PSIP1: variants seen among roughly 807,000 people sequenced by gnomAD.
PSIP1 encodes PC4 and SRSF1 interacting protein 1.
Under a neutral mutation model 74.7 loss-of-function variants are expected in PSIP1, and 19 were observed. The ratio of observed to expected loss-of-function variants is 0.25; its 90% CI spans 0.18 to 0.37. The LOEUF is 0.37. PSIP1 is among the 10% of genes least tolerant of loss of function. The pLI, the probability that PSIP1 is intolerant of heterozygous loss-of-function variation, is 1.00. For synonymous variants in PSIP1, 222 were observed against 195.3 expected, an observed-to-expected ratio of 1.14 and a Z score of -1.14; for missense variants, 601 against 614.3, an observed-to-expected ratio of 0.98 and a Z score of 0.23.
intron 9 of PSIP1, among the ~76,000 whole-genome samples, chr9:15,473,769 C>T (rs2035943467): frequency 6.6e-6 from 1 of 151,896 alleles, no homozygotes; most frequent in African/African-American, 2.4e-5. Flanking sequence ...GTAGTGGTGG[C>T]ACATGCCTGT....
At chr9:15,494,105 C>G (rs1307002973) in intron 3 of PSIP1, among the ~76,000 whole-genome samples, 1 of 152,114 alleles carries the variant, frequency 6.6e-6, no homozygotes, top group African/African-American at 2.4e-5. Flanking sequence ...CTTATTTCCT[C>G]TAAAATGTAC....
intron 10 of PSIP1, chr9:15,471,078 A>G: frequency 1.3e-6 from 2 of 1,515,938 alleles, no homozygotes; most frequent in Non-Finnish European, 8.8e-7. Flanking sequence ...TTCTTCCATC[A>G]ATGGGGGGAA....
Position 15,486,867 on chromosome 9 carries a change from G to A in PSIP1, c.353C>T (p.Ser118Leu), listed in dbSNP as rs761000980. 3.7e-6 allele frequency: 6 copies of A among 1,612,080 alleles called. No homozygotes were observed. The highest frequency in any genetic ancestry group is 1.7e-4 in the Middle Eastern group (1 of 6,026). The change falls in exon 5 of 16, where the codon TCA becomes TTA. Residue 118 changes from serine to leucine, a missense_variant. Physicochemically the swap from Ser to Leu is moderately radical, Grantham distance 145. Coordinates refer to ENST00000380733, the MANE Select transcript of PSIP1 (RefSeq NM_033222.5). ...VEVEEKETSV[S>L]KEDTDHEEKA... ...TTCTTCATGGTCGGTATCTTCCTTTGAAACACTAGTTTCCTTTTCTTCAAC... is the reference window on the plus strand; with the variant it reads ...TTCTTCATGGTCGGTATCTTCCTTTAAAACACTAGTTTCCTTTTCTTCAAC...
rs1198946440 is a variant in PSIP1, at chr9:15,466,853, T to C, written c.1427A>G (p.Lys476Arg). 9.3e-6 allele frequency: 15 copies of C among 1,610,074 alleles called. No individual in the cohort carries two copies. Among genetic ancestry groups the C allele is most frequent in the Non-Finnish European group, 1.2e-5 (14 of 1,178,682 alleles). Residue 476 changes from lysine to arginine, a missense_variant, in exon 15 of 16, where the codon AAG (lysine) becomes AGG (arginine). Transcript: ENST00000380733. Reference sequence around the variant, plus strand: ...AGCATCAGATCCTCCATTTAGAGTCTTTGACCCTTGCGAAGGAATCCAATG... The same window carrying C: ...AGCATCAGATCCTCCATTTAGAGTCCTTGACCCTTGCGAAGGAATCCAATG... ...KKLEKEQTGS[K>R]TLNGGSDAQD...
intron 3 of PSIP1, among the ~76,000 whole-genome samples, chr9:15,499,788 C>T (rs1351913278): frequency 6.6e-6 from 1 of 150,870 alleles, no homozygotes; most frequent in Admixed American, 6.6e-5. Context: ...GCAGGAGAAT[C>T]GCTTGAACCC....
intron 6 of PSIP1, among the ~76,000 whole-genome samples, chr9:15,484,800 C>T (rs2036487791): frequency 6.6e-6 from 1 of 151,334 alleles, no homozygotes; most frequent in South Asian, 2.1e-4. Context: ...GTAATCCCAG[C>T]TACTTGGGAG....
chr9:15,470,257 T>C (rs1161568021), intron 10 of PSIP1, among the ~76,000 whole-genome samples: 3 of 152,160 alleles, frequency 2.0e-5, no homozygotes, highest in Non-Finnish European at 2.9e-5. Flanking sequence ...TCAGGGTCAC[T>C]GGACAAACAG....
intron 1 of PSIP1, among the ~76,000 whole-genome samples, 158 bp from the exon 2 acceptor site, chr9:15,510,487 C>A (rs1195753230): frequency 6.6e-6 from 1 of 152,092 alleles, no homozygotes; most frequent in African/African-American, 2.4e-5. Flanking sequence ...TGGAGCAGGT[C>A]CTCCACCCCG....
At chr9:15,473,968 C>CT in intron 9 of PSIP1, 41 bp downstream of exon 9, 1 of 1,096,630 alleles carries the variant, frequency 9.1e-7, no homozygotes, top group Non-Finnish European at 1.3e-6. Flanking sequence ...TATATATAAA[C>CT]TAAGAATAGA....
chr9:15,469,755 C>CCTT (rs1465685397), intron 11 of PSIP1, among the ~76,000 whole-genome samples, 183 bp downstream of exon 11: 1 of 152,080 alleles, frequency 6.6e-6, no homozygotes, highest in East Asian at 1.9e-4. Context: ...ACAACTCAAG[C>CCTT]AAGTTCACTT....
chr9:15,467,818 A>G (rs1317826742), intron 14 of PSIP1, among the ~76,000 whole-genome samples: 1 of 152,182 alleles, frequency 6.6e-6, no homozygotes, highest in African/African-American at 2.4e-5. Flanking sequence ...CTACACATCT[A>G]AGTGCTTTGT....
chr9:15,493,073 T>C (rs113859823), intron 3 of PSIP1, among the ~76,000 whole-genome samples: 1 of 152,214 alleles, frequency 6.6e-6, no homozygotes, highest in African/African-American at 2.4e-5. Context: ...TTTGGCAGCC[T>C]GCTTGAATTT....
chr9:15,469,483 C>G (rs895967040), intron 11 of PSIP1, 147 bp from the exon 12 acceptor site: 2 of 558,862 alleles, frequency 3.6e-6, no homozygotes, highest in Non-Finnish European at 3.2e-6. Context: ...TGCACAATAG[C>G]TTAACTAAGA....
At chr9:15,469,395 A>G in intron 11 of PSIP1, 59 bp from the exon 12 acceptor site, 1 of 1,063,346 alleles carries the variant, frequency 9.4e-7, no homozygotes, top group South Asian at 1.5e-5. Context: ...GTATTTCTAT[A>G]TACAGGCTAA....
At chr9:15,504,038 C>T (rs1451100069) in intron 3 of PSIP1, among the ~76,000 whole-genome samples, 2 of 152,132 alleles carry the variant, frequency 1.3e-5, no homozygotes, top group African/African-American at 2.4e-5. Context: ...AGCCACCGCG[C>T]CCAGCCCAAA....
At chr9:15,482,594 T>G (rs1048669730) in intron 6 of PSIP1, among the ~76,000 whole-genome samples, 1 of 152,168 alleles carries the variant, frequency 6.6e-6, no homozygotes, top group African/African-American at 2.4e-5. Context: ...TTAAGTCAGT[T>G]CCTTCAAATG....
Position 15,485,444 on chromosome 9 carries a change from T to A in PSIP1, c.456+562A>T, listed in dbSNP as rs190617362. On this transcript the variant is annotated intron_variant, in intron 6 of 15. Transcript: ENST00000380733. Reference sequence around the variant, plus strand: ...CCTCATGAGATACTGAACTTTTGGTTTTCTTTGCATCTTTGGTATATGATA... The same window carrying A: ...CCTCATGAGATACTGAACTTTTGGTATTCTTTGCATCTTTGGTATATGATA... 4.4e-3 allele frequency among the ~76,000 whole-genome samples: 670 copies of A among 152,314 alleles called. 7 individuals carry two copies. Among genetic ancestry groups the A allele is most frequent in the African/African-American group, 0.015 (642 of 41,554 alleles).
chr9:15,471,680 T>A (rs1257784290), intron 10 of PSIP1: 13 of 958,688 alleles, frequency 1.4e-5, no homozygotes, highest in African/African-American at 1.8e-5. Context: ...GAGCTAAAAC[T>A]ACTTGTATAT....
rs1348583095 is a variant in PSIP1 at position 15,465,009 on chromosome 9, A to G, written c.*511T>C. On this transcript the variant is annotated 3_prime_UTR_variant, in exon 16 of 16. Coordinates refer to ENST00000380733, the MANE Select transcript of PSIP1 (RefSeq NM_033222.5). The stretch of plus-strand genomic sequence containing the variant: ...AATGTAGACTGTGAGATTAAAATTA[A>G]CTTTTGATAAAAAGGGAGTGAGTAC... The G allele has an allele frequency of 4.5e-6, 1 of 220,028 alleles. No homozygotes were observed. The highest frequency in any genetic ancestry group is 6.8e-5 in the East Asian group (1 of 14,724). 13.6% of individuals were successfully genotyped at this position (220,028 alleles called of 1,614,324 possible).
Sources: gnomAD v4.1 joint callset for allele counts (sites outside exome capture counted in the v4.1 genomes callset) on GRCh38, gnomAD v4.1.1 for gene constraint, MANE v1.5 for transcripts, NCBI Gene and HGNC (gene_info 2026-07-23, HGNC 2026-07-21) for gene names.